The following PPP1R9A variants were observed in gnomAD, a reference collection of about 807,000 sequenced individuals.
The protein encoded by PPP1R9A is neurabin-1.
PPP1R9A carries 59 observed loss-of-function variants against 141.9 expected under a neutral mutation model. That is an observed-to-expected ratio of 0.42 (90% CI 0.34 to 0.52). PPP1R9A has a LOEUF of 0.52. Among genes scored for constraint, PPP1R9A ranks in the 20% least tolerant of loss-of-function variants. The pLI, the probability that PPP1R9A is intolerant of heterozygous loss-of-function variation, is 0.10. For synonymous variants in PPP1R9A, 500 were observed against 569.7 expected, an observed-to-expected ratio of 0.88 and a Z score of 1.74; for missense variants, 1,444 against 1,611.9, an observed-to-expected ratio of 0.90 and a Z score of 1.78.
chr7:95,029,650 A>T (rs1487387818), intron 2 of PPP1R9A, among the ~76,000 whole-genome samples: 7 of 152,148 alleles, frequency 4.6e-5, no homozygotes, highest in Non-Finnish European at 1.0e-4. Context: ...GGGATAGGAG[A>T]CTTATATCAT....
At chr7:95,285,877 A>G (rs1478790045) in intron 17 of PPP1R9A, among the ~76,000 whole-genome samples, 1 of 152,206 alleles carries the variant, frequency 6.6e-6, no homozygotes, top group East Asian at 1.9e-4. Context: ...ACTGTTACTC[A>G]TCACGATTAG....
chr7:94,919,516 C>T (rs1451209685), intron 2 of PPP1R9A, among the ~76,000 whole-genome samples: 1 of 151,904 alleles, frequency 6.6e-6, no homozygotes, highest in Non-Finnish European at 1.5e-5. Flanking sequence ...CTTTTTATAG[C>T]GTGAAGGAAT....
intron 7 of PPP1R9A, among the ~76,000 whole-genome samples, chr7:95,222,158 A>G (rs1794551544): frequency 1.3e-5 from 2 of 152,068 alleles, no homozygotes; most frequent in African/African-American, 4.8e-5. Flanking sequence ...AAGTGAATTC[A>G]GTGATAATGT....
At chr7:95,001,927 A>G (rs1376015120) in intron 2 of PPP1R9A, among the ~76,000 whole-genome samples, 2 of 152,228 alleles carry the variant, frequency 1.3e-5, no homozygotes, top group Non-Finnish European at 2.9e-5. Context: ...CTACTCAAAA[A>G]GTTAATCACT....
At chr7:95,078,736 G>A (rs1246564917) in intron 2 of PPP1R9A, among the ~76,000 whole-genome samples, 2 of 151,552 alleles carry the variant, frequency 1.3e-5, no homozygotes, top group South Asian at 2.1e-4. Flanking sequence ...GCCAGTGATG[G>A]TGAGCATTTT....
chr7:94,910,640 G>C lies in PPP1R9A; in HGVS notation c.527G>C (p.Gly176Ala). The change falls in exon 2 of 20, where the codon GGA becomes GCA. Residue 176 changes from glycine (G) to alanine (A), a missense_variant. Physicochemically the swap from Gly to Ala is moderately conservative, Grantham distance 60 (BLOSUM62 0). This residue lies in a region of PPP1R9A where 490 missense variants were observed against 521.1 expected (regional missense o/e 0.94). Coordinates refer to ENST00000433360, the MANE Select transcript of PPP1R9A (RefSeq NM_001166160.2). This position sits in a 1 kb window ranked among gnomAD's most constrained non-coding sequence, Gnocchi z 4.5. ...AGGSEPQDEW[G>A]GSKSNRGSTD... is the part of the protein sequence containing the mutation. The stretch of plus-strand genomic sequence containing the variant: ...GGGAGTGAACCTCAGGATGAATGGG[G>C]AGGTTCCAAGTCCAACAGAGGCAGT... 1 of 1,614,170 alleles carries C rather than the reference G, an allele frequency of 6.2e-7. No individual in the cohort carries two copies. The highest frequency in any genetic ancestry group is 8.5e-7 in the Non-Finnish European group (1 of 1,180,028).
chr7:95,263,355 A>G (rs943773878), intron 12 of PPP1R9A, among the ~76,000 whole-genome samples: 1 of 152,188 alleles, frequency 6.6e-6, no homozygotes, highest in Non-Finnish European at 1.5e-5. Context: ...AACATCTCCT[A>G]ATCTAATACC....
chr7:95,065,763 C>G (rs1370289329), intron 2 of PPP1R9A, among the ~76,000 whole-genome samples: 1 of 152,106 alleles, frequency 6.6e-6, no homozygotes, highest in Non-Finnish European at 1.5e-5. Context: ...TGATATCACT[C>G]CCACAGAACA....
At position 95,226,058 on chromosome 7, in the gene PPP1R9A, A is replaced by G; in HGVS notation, c.2054A>G (p.Glu685Gly). 6.2e-7 allele frequency: 1 copy of G among 1,613,676 alleles called. No individual in the cohort carries two copies. The highest frequency in any genetic ancestry group is 1.3e-5 in the African/African-American group (1 of 75,038). Residue 685 changes from glutamate (E) to glycine (G), a missense_variant, in exon 8 of 20, where the codon GAG becomes GGG. Physicochemically the swap from Glu to Gly is moderately conservative, Grantham distance 98. Around this residue, in one of 5 missense-constraint regions of PPP1R9A, gnomAD observed 488 missense variants for 542.0 expected, o/e 0.90. Transcript: ENST00000433360. Reference sequence around the variant, plus strand: ...GAAGTCTTTGAGCTGCCTGAGAATGAGGACATGTTTTCCCCATCAGAACTG... The same window carrying G: ...GAAGTCTTTGAGCTGCCTGAGAATGGGGACATGTTTTCCCCATCAGAACTG... ...AIEVFELPEN[E>G]DMFSPSELDT...
rs1801405987 is a variant in PPP1R9A at position 94,990,762 on chromosome 7, A to G, written c.1395+79254A>G. Among the ~76,000 whole-genome samples the G allele has an allele frequency of 2.0e-5, 3 of 151,866 alleles. No homozygotes were observed. The South Asian group carries it at 6.2e-4, about 32-fold the overall frequency. On this transcript the variant is annotated intron_variant, in intron 2 of 19. Coordinates refer to ENST00000433360, the MANE Select transcript of PPP1R9A (RefSeq NM_001166160.2). ...GTTCTACTTTACTTCTATGAGATCAACATTTTTTTAGCTTCCTCATATGAA... is the reference window on the plus strand; with the variant it reads ...GTTCTACTTTACTTCTATGAGATCAGCATTTTTTTAGCTTCCTCATATGAA...
intron 8 of PPP1R9A, among the ~76,000 whole-genome samples, chr7:95,237,544 A>AT: frequency 6.6e-6 from 1 of 151,714 alleles, no homozygotes; most frequent in African/African-American, 2.4e-5. Context: ...ACATATACAC[A>AT]TTTTTTCTGT....
chr7:95,049,027 AAG>A (rs1272003594), intron 2 of PPP1R9A, among the ~76,000 whole-genome samples: 2 of 150,584 alleles, frequency 1.3e-5, no homozygotes, highest in Non-Finnish European at 2.9e-5. Flanking sequence ...AATAAAGCAA[AAG>A]AGAATAAAAC....
intron 2 of PPP1R9A, among the ~76,000 whole-genome samples, chr7:95,060,039 CT>C (rs1472506550): frequency 6.6e-6 from 1 of 152,124 alleles, no homozygotes; most frequent in Non-Finnish European, 1.5e-5. Flanking sequence ...AGTGAAAACA[CT>C]CCTGGAAATA....
At chr7:95,245,323 T>A (rs1307616068) in intron 8 of PPP1R9A, among the ~76,000 whole-genome samples, 1 of 152,192 alleles carries the variant, frequency 6.6e-6, no homozygotes, top group Non-Finnish European at 1.5e-5. Context: ...CTTCAACGAA[T>A]GCCTATTGAA....
chr7:95,109,749 TG>T (rs1820208940), intron 2 of PPP1R9A, among the ~76,000 whole-genome samples: 1 of 151,282 alleles, frequency 6.6e-6, no homozygotes, highest in African/African-American at 2.4e-5. Context: ...GAGGCTACAG[TG>T]GGAGAATTAC....
intron 7 of PPP1R9A, among the ~76,000 whole-genome samples, chr7:95,224,976 C>A (rs1794946874): frequency 1.3e-5 from 2 of 151,948 alleles, no homozygotes; most frequent in South Asian, 4.1e-4. Flanking sequence ...TAAATTATAT[C>A]ATAAGGTATA....
chr7:95,182,721 G>A (rs1834040046), intron 5 of PPP1R9A, among the ~76,000 whole-genome samples: 1 of 152,160 alleles, frequency 6.6e-6, no homozygotes, highest in Non-Finnish European at 1.5e-5. Context: ...GCCCTAAGAT[G>A]AGAGAAGCAA....
chr7:95,295,228 G>A lies in PPP1R9A; in HGVS notation c.*4925G>A, dbSNP rs576441856. The A allele has an allele frequency of 8.5e-5, 13 of 152,644 alleles. No homozygotes were observed. The highest frequency in any genetic ancestry group is 2.1e-4 in the South Asian group (1 of 4,822). 9.5% of individuals were successfully genotyped at this position (152,644 alleles called of 1,614,324 possible). On this transcript the variant is annotated 3_prime_UTR_variant, in exon 20 of 20. Transcript: ENST00000433360. ...TCATAGCCTTATTGCCACTTCTTGC[G>A]TTGTGTATACATTGAATGGCTCATA...
At chr7:95,045,775 T>C (rs958960398) in intron 2 of PPP1R9A, among the ~76,000 whole-genome samples, 6 of 151,616 alleles carry the variant, frequency 4.0e-5, no homozygotes, top group Admixed American at 3.9e-4. Flanking sequence ...CCTAACTACC[T>C]ACTGTATGGT....
Sources: gnomAD v4.1 joint callset for allele counts (sites outside exome capture counted in the v4.1 genomes callset) on GRCh38, gnomAD v4.1.1 for gene constraint, gnomAD v4.1.1 regional missense constraint, Gnocchi (gnomAD v3.1) non-coding constraint, MANE v1.5 for transcripts, NCBI Gene and HGNC (gene_info 2026-07-23, HGNC 2026-07-21) for gene names.